The following DESI2 variants were observed in gnomAD, a reference collection of about 807,000 sequenced individuals.
DESI2 encodes deubiquitinase DESI2.
In DESI2, 10 loss-of-function variants were observed where a neutral mutation model predicts 24.1. The ratio of observed to expected loss-of-function variants is 0.41; its 90% confidence interval spans 0.26 to 0.70. The LOEUF (loss-of-function observed/expected upper bound fraction) is 0.70. DESI2 is among the 30% of genes least tolerant of loss of function. DESI2 has a pLI of 0.29. For synonymous variants in DESI2, 71 were observed against 87.7 expected, an observed-to-expected ratio of 0.81 and a Z score of 1.06; for missense variants, 122 against 234.9, an observed-to-expected ratio of 0.52 and a Z score of 3.14.
Position 244,686,685 on chromosome 1 carries a change from GTC to G in DESI2, c.115+18_115+19del. 1.1e-5 allele frequency: 17 copies of G among 1,519,600 alleles called. No individual in the cohort carries two copies. The highest frequency in any genetic ancestry group is 1.6e-5 in the Non-Finnish European group (17 of 1,094,390). The allele number at this position is 1,519,600 out of a possible 1,614,324, so 94.1% of individuals were successfully genotyped here. ...TATGGCAGAGGTACGTGTACACACA[GTC>G]TAAATATACTCTCTGAAGATTTTGT... On this transcript the variant is annotated intron_variant, in intron 2 of 4. Coordinates refer to ENST00000302550, the MANE Select transcript of DESI2 (RefSeq NM_016076.5).
intron 4 of DESI2, among the ~76,000 whole-genome samples, chr1:244,692,514 A>G (rs1170879107): frequency 1.3e-5 from 2 of 152,148 alleles, no homozygotes; most frequent in Non-Finnish European, 2.9e-5. Flanking sequence ...TTAAAGAACT[A>G]TAAAAAGAAA....
chr1:244,686,771 A>G lies in DESI2; in HGVS notation c.115+102A>G, dbSNP rs532228235. 4.5e-5 allele frequency: 30 copies of G among 668,528 alleles called. No individual in the cohort carries two copies. In the East Asian group the frequency reaches 8.0e-4, roughly 18 times the overall value. The allele number at this position is 668,528 out of a possible 1,614,324, so 41.4% of individuals were successfully genotyped here. A position where few individuals can be genotyped will look rare whatever the true frequency, so the allele number is the denominator to read the frequency against. ...TCTCTCTTTTTTTAACCACTTGCAT[A>G]TGTTATTACAGAAAGTAGAAGAAAA... On this transcript the variant is annotated intron_variant, in intron 2 of 4. Coordinates refer to ENST00000302550, the MANE Select transcript of DESI2 (RefSeq NM_016076.5).
intron 1 of DESI2, among the ~76,000 whole-genome samples, chr1:244,664,461 C>G (rs1015281620): frequency 2.0e-5 from 3 of 152,138 alleles, no homozygotes; most frequent in Non-Finnish European, 4.4e-5. Flanking sequence ...GAAATGAAGT[C>G]AAGGCCAGGC....
intron 1 of DESI2, among the ~76,000 whole-genome samples, chr1:244,674,099 A>G (rs919268806): frequency 6.8e-6 from 1 of 147,382 alleles, no homozygotes; most frequent in Admixed American, 7.0e-5. Context: ...GGTTCAAGTA[A>G]TTCTCCTGCC....
chr1:244,701,202 C>T (rs947219378), intron 4 of DESI2, among the ~76,000 whole-genome samples: 2 of 83,272 alleles, frequency 2.4e-5, no homozygotes, highest in African/African-American at 1.3e-4. Context: ...ATGACTGGAC[C>T]ACCTTCCCCT....
Position 244,689,667 on chromosome 1 carries a change from G to A in DESI2, c.209+325G>A, listed in dbSNP as rs748236913. 2.0e-5 allele frequency among the ~76,000 whole-genome samples: 3 copies of A among 152,074 alleles called. No homozygotes were observed. Among genetic ancestry groups the A allele is most frequent in the African/African-American group, 2.4e-5 (1 of 41,394 alleles). ...TGGGATTACAGGCGTGCACCACGAC[G>A]TCCGGCTAATTTTTGTATTTTTAGT... On this transcript the variant is annotated intron_variant, in intron 3 of 4. Transcript: ENST00000302550. The surrounding 1 kb of genome is among the most constrained non-coding windows in gnomAD (Gnocchi z 4.0).
At chr1:244,665,684 C>T (rs112383934) in intron 1 of DESI2, among the ~76,000 whole-genome samples, 1 of 152,294 alleles carries the variant, frequency 6.6e-6, no homozygotes, top group African/African-American at 2.4e-5. Context: ...GGGCTTCATC[C>T]AGTCAGTTGA....
At chr1:244,669,124 C>T (rs1182999741) in intron 1 of DESI2, among the ~76,000 whole-genome samples, 2 of 151,960 alleles carry the variant, frequency 1.3e-5, no homozygotes, top group Non-Finnish European at 2.9e-5. Flanking sequence ...ACGTCAGCCC[C>T]CTGAGTAGCT....
At chr1:244,668,072 A>G (rs1676109746) in intron 1 of DESI2, among the ~76,000 whole-genome samples, 1 of 152,236 alleles carries the variant, frequency 6.6e-6, no homozygotes, top group Non-Finnish European at 1.5e-5. Flanking sequence ...CACTTATCAA[A>G]TTGTGATTAT....
chr1:244,690,838 G>A (rs1241082493), intron 3 of DESI2, among the ~76,000 whole-genome samples: 1 of 152,102 alleles, frequency 6.6e-6, no homozygotes, highest in Non-Finnish European at 1.5e-5. Flanking sequence ...AACTTCAGTA[G>A]AGAGCTACAC....
chr1:244,702,446 G>A (rs1257999198), intron 4 of DESI2, among the ~76,000 whole-genome samples: 1 of 152,134 alleles, frequency 6.6e-6, no homozygotes, highest in Non-Finnish European at 1.5e-5. Flanking sequence ...CCTGGCAGGT[G>A]GAGATTGCAG....
intron 1 of DESI2, among the ~76,000 whole-genome samples, chr1:244,666,455 T>C (rs1376907826): frequency 2.6e-5 from 4 of 152,224 alleles, no homozygotes; most frequent in African/African-American, 9.6e-5. Flanking sequence ...TATTTTATAG[T>C]CCCCATTCAT....
chr1:244,671,579 A>T (rs1676246421), intron 1 of DESI2, among the ~76,000 whole-genome samples: 1 of 152,200 alleles, frequency 6.6e-6, no homozygotes, highest in Non-Finnish European at 1.5e-5. Flanking sequence ...TTATTTGGAT[A>T]AAAATGTCGT....
At position 244,666,193 on chromosome 1, in the gene DESI2, G is replaced by GA. The variant is rs1319702301; in HGVS notation, c.42+12842dup. ...ACCTCACAGCTTATTTCACTGAAGA[G>GA]AAAAGAAAAGGCAGTTTTCTCATCC... On this transcript the variant is annotated intron_variant, in intron 1 of 4. Coordinates refer to ENST00000302550, the MANE Select transcript of DESI2 (RefSeq NM_016076.5). Among the ~76,000 whole-genome samples, 149 of 151,396 alleles carry GA rather than the reference G, an allele frequency of 9.8e-4. 1 individual carries two copies. The highest frequency in any genetic ancestry group is 3.0e-3 in the African/African-American group (123 of 41,268).
intron 2 of DESI2, among the ~76,000 whole-genome samples, chr1:244,686,894 C>T (rs1676845674): frequency 6.6e-6 from 1 of 152,156 alleles, no homozygotes; most frequent in South Asian, 2.1e-4. Context: ...ACATTTGCTT[C>T]ATTCACTTTA....
chr1:244,708,565 T>G lies in DESI2; in HGVS notation c.*2776T>G, dbSNP rs562874936. On this transcript the variant is annotated 3_prime_UTR_variant, in exon 5 of 5. Coordinates refer to ENST00000302550, the MANE Select transcript of DESI2 (RefSeq NM_016076.5). ...CCACAGACAGCTGCAGGACTCGATATCCATGGCTTCTTTCCATCACAAAAC... is the reference window on the plus strand; with the variant it reads ...CCACAGACAGCTGCAGGACTCGATAGCCATGGCTTCTTTCCATCACAAAAC... 1 of 152,792 alleles carries G rather than the reference T, an allele frequency of 6.5e-6. No individual in the cohort carries two copies. The highest frequency in any genetic ancestry group is 2.4e-5 in the African/African-American group (1 of 41,578). 9.5% of individuals were successfully genotyped at this position (152,792 alleles called of 1,614,324 possible).
chr1:244,666,266 A>G (rs531022986), intron 1 of DESI2, among the ~76,000 whole-genome samples: 2 of 152,320 alleles, frequency 1.3e-5, no homozygotes, highest in African/African-American at 4.8e-5. Context: ...CTCTCTGATC[A>G]TATGGAATGA....
At chr1:244,656,448 T>G (rs1675649096) in intron 1 of DESI2, 1 of 152,242 alleles carries the variant, frequency 6.6e-6, no homozygotes, top group African/African-American at 2.4e-5. Flanking sequence ...TTCCTATTGC[T>G]TGCTGCCTTA....
intron 4 of DESI2, among the ~76,000 whole-genome samples, chr1:244,696,181 C>A (rs1186869943): frequency 6.6e-6 from 1 of 152,240 alleles, no homozygotes; most frequent in Admixed American, 6.5e-5. Flanking sequence ...TATGTTATCA[C>A]TCCACAAATT....
Sources: gnomAD v4.1 joint callset for allele counts (sites outside exome capture counted in the v4.1 genomes callset) on GRCh38, gnomAD v4.1.1 for gene constraint, Gnocchi (gnomAD v3.1) non-coding constraint, MANE v1.5 for transcripts, NCBI Gene and HGNC (gene_info 2026-07-23, HGNC 2026-07-21) for gene names.